Variants in TMEM150C observed in about 807,000 individuals in gnomAD.
TMEM150C encodes tentonin 3.
Under a neutral mutation model 29.9 loss-of-function variants are expected in TMEM150C, and 10 were observed. That is an observed-to-expected ratio of 0.33 (90% CI 0.21 to 0.57). The LOEUF is 0.57. Among genes scored for constraint, TMEM150C ranks in the 20% least tolerant of loss-of-function variants. The pLI is 0.88. For synonymous variants in TMEM150C, 101 were observed against 112.5 expected (o/e 0.90, Z 0.64); for missense variants, 251 against 303.6 (o/e 0.83, Z 1.29).
rs1389703260 is a variant in TMEM150C at position 82,502,922 on chromosome 4, G to T, written c.140C>A (p.Pro47His). 2 of 1,593,496 alleles carry T rather than the reference G, an allele frequency of 1.3e-6. No individual in the cohort carries two copies. Among genetic ancestry groups the T allele is most frequent in the Non-Finnish European group, 1.7e-6 (2 of 1,169,780 alleles). Residue 47 changes from proline to histidine, a missense_variant, in exon 4 of 8, where the codon CCT becomes CAT. Transcript: ENST00000449862. ...TATATATGGTGCATGCTTCACACCAGGTTTCCTGGATAATAAAAAAAAAAA... is the reference window on the plus strand; with the variant it reads ...TATATATGGTGCATGCTTCACACCATGTTTCCTGGATAATAAAAAAAAAAA... ...ILPLNSAERK[P>H]GVKHAPYISI...
intron 1 of TMEM150C, 116 bp downstream of exon 1, chr4:82,561,790 G>T: frequency 1.3e-6 from 1 of 785,190 alleles, no homozygotes; most frequent in Non-Finnish European, 1.5e-6. Context: ...AGCCGCCCCA[G>T]CCGCGCTGCA....
chr4:82,561,868 G>T, intron 1 of TMEM150C, 38 bp downstream of exon 1: 7 of 983,796 alleles, frequency 7.1e-6, no homozygotes, highest in Non-Finnish European at 8.4e-6. Flanking sequence ...CCCTGGCTGC[G>T]CGACGGGCCC....
At chr4:82,535,326 C>A (rs1724970350) in intron 1 of TMEM150C, among the ~76,000 whole-genome samples, 1 of 152,176 alleles carries the variant, frequency 6.6e-6, no homozygotes, top group South Asian at 2.1e-4. Flanking sequence ...AAAAACAGGG[C>A]TGAACTTCCA....
rs72897913 is a variant in TMEM150C at position 82,560,675 on chromosome 4, A to G, written c.-11+1231T>C. On this transcript the variant is annotated intron_variant, in intron 1 of 7. Coordinates refer to ENST00000449862, the MANE Select transcript of TMEM150C (RefSeq NM_001080506.3). ...TGAAATAGGAAACTTTAAGTAGGTC[A>G]GTTTAATGACTGCTACCATGGAGTT... Among the ~76,000 whole-genome samples the G allele has an allele frequency of 6.0e-3, 916 of 152,348 alleles. 10 individuals are homozygous for G. The highest frequency in any genetic ancestry group is 0.02 in the African/African-American group (851 of 41,570).
chr4:82,495,964 A>G, intron 6 of TMEM150C, 104 bp downstream of exon 6: 1 of 1,449,098 alleles, frequency 6.9e-7, no homozygotes, highest in East Asian at 2.3e-5. Context: ...GTTTGTGCAG[A>G]ATTATATGGG....
chr4:82,508,574 TC>T (rs778518764), intron 1 of TMEM150C, among the ~76,000 whole-genome samples: 5 of 152,164 alleles, frequency 3.3e-5, no homozygotes, highest in Non-Finnish European at 7.4e-5. Flanking sequence ...CAAGTGGTTC[TC>T]CCACCTCAGC....
At chr4:82,494,910 T>A in intron 6 of TMEM150C, 1 of 564,178 alleles carries the variant, frequency 1.8e-6, no homozygotes, top group African/African-American at 1.9e-5. Context: ...CACAACTTGT[T>A]CCTTGCGCTT....
At chr4:82,527,683 G>C (rs1724699828) in intron 1 of TMEM150C, among the ~76,000 whole-genome samples, 1 of 152,086 alleles carries the variant, frequency 6.6e-6, no homozygotes, top group African/African-American at 2.4e-5. Context: ...TCTGCCCAGT[G>C]GACTTCTAAC....
At chr4:82,501,970 C>G (rs1560483344) in intron 5 of TMEM150C, among the ~76,000 whole-genome samples, 1 of 152,162 alleles carries the variant, frequency 6.6e-6, no homozygotes, top group East Asian at 1.9e-4. Context: ...TTTGGTCCAT[C>G]CTAACATCAT....
intron 1 of TMEM150C, among the ~76,000 whole-genome samples, chr4:82,550,011 T>A (rs763825814): frequency 6.6e-6 from 1 of 152,074 alleles, no homozygotes; most frequent in African/African-American, 2.4e-5. Flanking sequence ...AAAATGGACA[T>A]CATATCCTCT....
At chr4:82,519,870 C>T (rs1311202996) in intron 1 of TMEM150C, among the ~76,000 whole-genome samples, 1 of 152,204 alleles carries the variant, frequency 6.6e-6, no homozygotes, top group East Asian at 1.9e-4. Context: ...GAATGTGCTC[C>T]TCCCCATCTA....
chr4:82,491,889 C>A (rs917418801), intron 6 of TMEM150C, among the ~76,000 whole-genome samples: 2 of 151,256 alleles, frequency 1.3e-5, no homozygotes, highest in East Asian at 3.9e-4. Flanking sequence ...AAGCTCTGTT[C>A]TTCACGCTTG....
intron 1 of TMEM150C, among the ~76,000 whole-genome samples, chr4:82,539,179 A>T (rs1016225940): frequency 1.3e-5 from 2 of 152,196 alleles, no homozygotes; most frequent in Admixed American, 1.3e-4. Flanking sequence ...TCTCTTTTTC[A>T]AACTCTTTTT....
chr4:82,558,819 G>A (rs1725822357), intron 1 of TMEM150C, among the ~76,000 whole-genome samples: 1 of 152,212 alleles, frequency 6.6e-6, no homozygotes, highest in East Asian at 1.9e-4. Context: ...CTGAGCCCAA[G>A]CTAAGCCATC....
chr4:82,498,118 G>T (rs555360225), intron 5 of TMEM150C, among the ~76,000 whole-genome samples: 1 of 151,998 alleles, frequency 6.6e-6, no homozygotes, highest in African/African-American at 2.4e-5. Flanking sequence ...GGGTTCAAGC[G>T]GTTCTCCTGC....
At chr4:82,493,659 G>A (rs1341244721) in intron 6 of TMEM150C, among the ~76,000 whole-genome samples, 1 of 152,114 alleles carries the variant, frequency 6.6e-6, no homozygotes, top group Non-Finnish European at 1.5e-5. Flanking sequence ...CAAAGCCCTG[G>A]TCGAGAGAAA....
At position 82,507,723 on chromosome 4, in the gene TMEM150C, CTCTCTTTTTTTTTT is replaced by C. The variant is rs1243241351; in HGVS notation, c.-10-3070_-10-3057del. On this transcript the variant is annotated intron_variant, in intron 1 of 7. Transcript: ENST00000449862. ...TATATTAAATTAACTCTCTCTCTCT[CTCTCTTTTTTTTTT>C]TTTTTTTTTTTTTTTTTTTTTTTTT... is the stretch of plus-strand genomic sequence containing the variant. 5.1e-3 allele frequency among the ~76,000 whole-genome samples: 441 copies of C among 86,012 alleles called. 72 individuals are homozygous for C. Among genetic ancestry groups the C allele is most frequent in the African/African-American group, 0.018 (412 of 22,382 alleles). 56.4% of individuals were successfully genotyped at this position (86,012 alleles called of 152,430 possible). A position where few individuals can be genotyped will look rare whatever the true frequency, so the allele number is the denominator to read the frequency against.
At chr4:82,498,045 T>TA (rs1158857467) in intron 5 of TMEM150C, among the ~76,000 whole-genome samples, 1 of 151,778 alleles carries the variant, frequency 6.6e-6, no homozygotes, top group East Asian at 1.9e-4. Flanking sequence ...AACAGAGTCT[T>TA]ACTCTGTTGC....
At chr4:82,522,290 G>A (rs1453417322) in intron 1 of TMEM150C, among the ~76,000 whole-genome samples, 1 of 152,140 alleles carries the variant, frequency 6.6e-6, no homozygotes, top group African/African-American at 2.4e-5. Flanking sequence ...AAACAATGTA[G>A]AGAGACGAAA....
Sources: gnomAD v4.1 joint callset for allele counts (sites outside exome capture counted in the v4.1 genomes callset) on GRCh38, gnomAD v4.1.1 for gene constraint, MANE v1.5 for transcripts, NCBI Gene and HGNC (gene_info 2026-07-23, HGNC 2026-07-21) for gene names.